The following UGT2A2 variants were observed in gnomAD, a reference collection of about 807,000 sequenced individuals.
UGT2A2 encodes the protein UDP glucuronosyltransferase family 2 member A2.
In UGT2A2, 60 loss-of-function variants were observed where a neutral mutation model predicts 50.7. The observed-to-expected ratio is 1.18, with a 90% CI of 0.96 to 1.47. The LOEUF (loss-of-function observed/expected upper bound fraction) is 1.47. UGT2A2 is among the 40% of genes most tolerant of loss of function. UGT2A2 has a pLI of 0.00. For missense variants in UGT2A2, 762 were observed against 634.0 expected, an observed-to-expected ratio of 1.20 and a Z score of -2.17; for synonymous variants, 242 against 214.6, an observed-to-expected ratio of 1.13 and a Z score of -1.11.
chr4:69,621,726 C>T (rs1262969401), intron 1 of UGT2A2, among the ~76,000 whole-genome samples: 1 of 151,858 alleles, frequency 6.6e-6, no homozygotes, highest in East Asian at 1.9e-4. Context: ...GCATGATTCA[C>T]AATAGCAAAA....
intron 1 of UGT2A2, 137 bp from the exon 2 acceptor site, chr4:69,599,531 A>T: frequency 8.2e-7 from 1 of 1,218,714 alleles, no homozygotes; most frequent in Non-Finnish European, 1.1e-6. Flanking sequence ...TATCATGTTT[A>T]TATATTAAGA....
At chr4:69,617,753 T>C (rs1720489291) in intron 1 of UGT2A2, among the ~76,000 whole-genome samples, 1 of 151,848 alleles carries the variant, frequency 6.6e-6, no homozygotes, top group African/African-American at 2.4e-5. Flanking sequence ...AATATTGCCA[T>C]TATAATACAC....
chr4:69,589,584 C>T lies in UGT2A2; in HGVS notation c.1399G>A (p.Ala467Thr). 6.2e-7 allele frequency: 1 copy of T among 1,614,014 alleles called. No homozygotes were observed. The highest frequency in any genetic ancestry group is 8.5e-7 in the Non-Finnish European group (1 of 1,179,916). The change falls in exon 6 of 6, where the codon GCA (alanine) becomes ACA (threonine). Residue 467 changes from alanine to threonine, a missense_variant. Coordinates refer to ENST00000604629, the MANE Select transcript of UGT2A2 (RefSeq NM_001105677.2). ...HDQPVKPLDR[A>T]VFWIEFVMRH... ...ATGACAAACTCGATCCAGAAGACTGCTCGATCCAGGGGCTTTACAGGTTGA... is the reference window on the plus strand; with the variant it reads ...ATGACAAACTCGATCCAGAAGACTGTTCGATCCAGGGGCTTTACAGGTTGA...
At chr4:69,611,113 T>C (rs1053751890) in intron 1 of UGT2A2, among the ~76,000 whole-genome samples, 7 of 151,040 alleles carry the variant, frequency 4.6e-5, no homozygotes, top group African/African-American at 1.7e-4. Context: ...ATCAGTGAAG[T>C]AAAAAAAGAA....
intron 1 of UGT2A2, among the ~76,000 whole-genome samples, chr4:69,610,140 A>G (rs1719949837): frequency 6.6e-6 from 1 of 152,150 alleles, no homozygotes; most frequent in Admixed American, 6.6e-5. Flanking sequence ...TATAGTTTCT[A>G]AAAGTGGAAA....
chr4:69,591,351 G>C (rs894646938), intron 5 of UGT2A2, among the ~76,000 whole-genome samples: 1 of 152,170 alleles, frequency 6.6e-6, no homozygotes, highest in African/African-American at 2.4e-5. Flanking sequence ...ACAACTTGAA[G>C]TGGGGGTGCA....
intron 3 of UGT2A2, 26 bp from the exon 4 acceptor site, chr4:69,595,275 G>A: frequency 3.1e-6 from 5 of 1,611,036 alleles, no homozygotes; most frequent in Non-Finnish European, 3.4e-6. Flanking sequence ...CTTTAATTTT[G>A]CAAGGAAAAA....
intron 1 of UGT2A2, among the ~76,000 whole-genome samples, chr4:69,605,848 G>A (rs1268805138): frequency 5.1e-5 from 7 of 136,288 alleles, no homozygotes; most frequent in Non-Finnish European, 7.8e-5. Flanking sequence ...TCCTTGACAC[G>A]TACACCCTCC....
chr4:69,589,682 A>G, intron 5 of UGT2A2, 31 bp from the exon 6 acceptor site: 7 of 1,565,700 alleles, frequency 4.5e-6, no homozygotes, highest in Non-Finnish European at 6.1e-6. Context: ...CAGAAATTAG[A>G]CAATTTTTGT....
chr4:69,638,349 A>G (rs1721836774), intron 1 of UGT2A2, among the ~76,000 whole-genome samples: 1 of 152,146 alleles, frequency 6.6e-6, no homozygotes, highest in Non-Finnish European at 1.5e-5. Context: ...GTTTCATGCA[A>G]GGAAACATGA....
chr4:69,597,314 G>A (rs1384306822), intron 2 of UGT2A2, among the ~76,000 whole-genome samples: 1 of 152,118 alleles, frequency 6.6e-6, no homozygotes, highest in Non-Finnish European at 1.5e-5. Context: ...TGTATAAGCT[G>A]CCATGAGTGT....
chr4:69,611,813 A>G (rs1720077590), intron 1 of UGT2A2, among the ~76,000 whole-genome samples: 1 of 152,162 alleles, frequency 6.6e-6, no homozygotes, highest in African/African-American at 2.4e-5. Flanking sequence ...GAAGATACAC[A>G]GTATGTTTTA....
At chr4:69,625,092 T>G (rs1720966888) in intron 1 of UGT2A2, among the ~76,000 whole-genome samples, 1 of 151,274 alleles carries the variant, frequency 6.6e-6, no homozygotes, top group Non-Finnish European at 1.5e-5. Context: ...AATTTTAATT[T>G]ATTTTAGTAC....
intron 1 of UGT2A2, among the ~76,000 whole-genome samples, chr4:69,617,670 T>C (rs1185395726): frequency 6.6e-6 from 1 of 151,782 alleles, no homozygotes; most frequent in Non-Finnish European, 1.5e-5. Flanking sequence ...ACATACAGGG[T>C]CCATTAAGAC....
Position 69,619,518 on chromosome 4 carries a change from G to T in UGT2A2, c.742+19381C>A, listed in dbSNP as rs183236002. ...AACAAAAGTGAAATTTTAAAATAAC[G>T]TTAAAGAAGACTCTAAAAATAATGA... On this transcript the variant is annotated intron_variant, in intron 1 of 5. Coordinates refer to ENST00000604629, the MANE Select transcript of UGT2A2 (RefSeq NM_001105677.2). Among the ~76,000 whole-genome samples the T allele has an allele frequency of 4.9e-4, 74 of 151,852 alleles. 1 individual carries two copies. The highest frequency in any genetic ancestry group is 1.5e-3 in the African/African-American group (64 of 41,492).
intron 1 of UGT2A2, among the ~76,000 whole-genome samples, chr4:69,625,015 G>A (rs183643184): frequency 1.4e-3 from 218 of 151,068 alleles, no homozygotes; most frequent in African/African-American, 5.0e-3. Context: ...AAAAAAATCA[G>A]CCTTTATTTT....
rs1718430033 is a variant in UGT2A2 at position 69,589,134 on chromosome 4, G to A, written c.*238C>T. 2.7e-6 allele frequency: 1 copy of A among 372,596 alleles called. No individual in the cohort carries two copies. The highest frequency in any genetic ancestry group is 4.6e-6 in the Non-Finnish European group (1 of 216,650). The allele number at this position is 372,596 out of a possible 1,614,324, so 23.1% of individuals were successfully genotyped here. On this transcript the variant is annotated 3_prime_UTR_variant, in exon 6 of 6. Coordinates refer to ENST00000604629, the MANE Select transcript of UGT2A2 (RefSeq NM_001105677.2). Reference sequence around the variant, plus strand: ...TGTGTCAGAAAAGTGACAGGAAGAGGGTATAGTCAGCAGGGAGAGACAAAG... The same window carrying A: ...TGTGTCAGAAAAGTGACAGGAAGAGAGTATAGTCAGCAGGGAGAGACAAAG...
At chr4:69,594,722 G>C (rs770413886) in intron 4 of UGT2A2, 26 bp from the exon 5 acceptor site, 1 of 1,600,272 alleles carries the variant, frequency 6.2e-7, no homozygotes, top group Non-Finnish European at 8.5e-7. Context: ...AGTGAGAAGT[G>C]GGTGTGTAAT....
chr4:69,612,713 T>G (rs1720136661), intron 1 of UGT2A2, among the ~76,000 whole-genome samples: 1 of 151,966 alleles, frequency 6.6e-6, no homozygotes, highest in Non-Finnish European at 1.5e-5. Flanking sequence ...CAATTTACCC[T>G]ATAAAAACAT....
Sources: allele counts gnomAD v4.1 joint callset (sites outside exome capture counted in the v4.1 genomes callset), GRCh38; gene constraint gnomAD v4.1.1; transcripts MANE v1.5; gene names NCBI Gene and HGNC (gene_info 2026-07-23, HGNC 2026-07-21).